ZMIZ1: variants seen among roughly 807,000 people sequenced by gnomAD.
ZMIZ1 encodes the protein zinc finger MIZ-type containing 1.
A neutral mutation model predicts 113.9 loss-of-function variants in ZMIZ1; 17 were observed. That is an observed-to-expected ratio of 0.15 (90% CI 0.10 to 0.22). The LOEUF is 0.22. Among genes scored for constraint, ZMIZ1 ranks in the 10% least tolerant of loss-of-function variants. ZMIZ1 has a pLI of 1.00. For missense variants in ZMIZ1, 1,059 were observed against 1,477.8 expected, an observed-to-expected ratio of 0.72 and a Z score of 4.65; for synonymous variants, 607 against 603.1, an observed-to-expected ratio of 1.01 and a Z score of -0.09.
chr10:79,309,656 A>G (rs942789), intron 23 of ZMIZ1, among the ~76,000 whole-genome samples: 119,308 of 152,220 alleles, frequency 0.78, 47,363 homozygotes, highest in African/African-American at 0.9. Context: ...GGCCTGGGAA[A>G]CAGTTTTAGG....
At chr10:79,215,529 C>T (rs964261562) in intron 6 of ZMIZ1, among the ~76,000 whole-genome samples, 2 of 152,158 alleles carry the variant, frequency 1.3e-5, no homozygotes, top group Non-Finnish European at 2.9e-5. Context: ...GAACTCTTGA[C>T]CTCAAGTGAT....
chr10:79,292,672 C>T, intron 11 of ZMIZ1: 1 of 490,552 alleles, frequency 2.0e-6, no homozygotes, highest in South Asian at 1.7e-5. Flanking sequence ...GCCCCCAACT[C>T]ACCAAGGAGT....
intron 1 of ZMIZ1, among the ~76,000 whole-genome samples, chr10:79,114,476 T>TGTGTGTG (rs1491316828): frequency 1.0e-5 from 1 of 95,636 alleles, no homozygotes; most frequent in African/African-American, 3.3e-5. Context: ...TGTGTGTGTG[T>TGTGTGTG]CTGTGTGTGT....
At chr10:79,156,419 C>T (rs1845904849) in intron 3 of ZMIZ1, among the ~76,000 whole-genome samples, 1 of 152,196 alleles carries the variant, frequency 6.6e-6, no homozygotes, top group Non-Finnish European at 1.5e-5. Flanking sequence ...CACGACTTCC[C>T]ACGATCTCAG....
chr10:79,293,550 G>A lies in ZMIZ1; in HGVS notation c.1127G>A (p.Ser376Asn), dbSNP rs369936419. The A allele has an allele frequency of 1.2e-5, 19 of 1,612,572 alleles. No individual in the cohort carries two copies. The African/African-American group carries it at 2.1e-4, about 18-fold the overall frequency. ...GMNQPRPPGISPFGTHGQRMP... is the reference protein window; with the variant it reads ...GMNQPRPPGINPFGTHGQRMP... ...AACCAGCCCCGGCCGCCCGGCATCAGCCCCTTTGGCACACACGGGCAGCGG... is the reference window on the plus strand; with the variant it reads ...AACCAGCCCCGGCCGCCCGGCATCAACCCCTTTGGCACACACGGGCAGCGG... The change falls in exon 12 of 25, where the codon AGC (serine) becomes AAC (asparagine). Residue 376 changes from serine to asparagine, a missense_variant. Ser to Asn is a conservative substitution (Grantham distance 46). This residue lies in a region of ZMIZ1 where 239 missense variants were observed against 247.5 expected (regional missense o/e 0.97). Transcript: ENST00000334512.
intron 8 of ZMIZ1, among the ~76,000 whole-genome samples, chr10:79,279,364 C>T (rs1325655906): frequency 1.3e-5 from 2 of 149,434 alleles, no homozygotes; most frequent in Admixed American, 6.7e-5. Context: ...ACATCTCAGA[C>T]GGGGTGGCGG....
rs759887430 is a variant in ZMIZ1, at chr10:79,299,046, C to T, written c.1667-4C>T. ...GGCTCACCCACCTCCTCTCCTCGCC[C>T]CAGCCAACCACAATGACGAGCTGCG... On this transcript the variant is annotated splice_polypyrimidine_tract_variant and splice_region_variant and intron_variant, in intron 15 of 24. Transcript: ENST00000334512. 1 of 1,606,056 alleles carries T rather than the reference C, an allele frequency of 6.2e-7. No homozygotes were observed. Among genetic ancestry groups the T allele is most frequent in the Non-Finnish European group, 8.5e-7 (1 of 1,176,118 alleles).
chr10:79,102,503 C>CA (rs778023675), intron 1 of ZMIZ1, among the ~76,000 whole-genome samples: 84 of 152,322 alleles, frequency 5.5e-4, no homozygotes, highest in Middle Eastern at 3.4e-3. Context: ...CAAGGCTGCC[C>CA]AGGGCCAGGA....
chr10:79,176,143 A>C (rs1846857240), intron 4 of ZMIZ1, among the ~76,000 whole-genome samples: 3 of 152,112 alleles, frequency 2.0e-5, no homozygotes, highest in African/African-American at 7.2e-5. Context: ...CGTGTTCCGG[A>C]GGCCCAACGG....
At chr10:79,171,673 G>A (rs1846609341) in intron 4 of ZMIZ1, among the ~76,000 whole-genome samples, 1 of 152,220 alleles carries the variant, frequency 6.6e-6, no homozygotes, top group African/African-American at 2.4e-5. Context: ...GGCAAGGGAT[G>A]TGTTGAGATC....
intron 24 of ZMIZ1, 120 bp downstream of exon 24, chr10:79,311,304 G>GGGGGGGGGGGGGGGGC: frequency 5.6e-6 from 2 of 359,152 alleles, no homozygotes; most frequent in Non-Finnish European, 1.1e-5. Context: ...TGGGCGGTGG[G>GGGGGGGGGGGGGGGGC]AGGGCTTCAC....
At chr10:79,102,276 A>T (rs1190537881) in intron 1 of ZMIZ1, among the ~76,000 whole-genome samples, 2 of 152,212 alleles carry the variant, frequency 1.3e-5, no homozygotes, top group African/African-American at 4.8e-5. Flanking sequence ...GGAGGCAGAA[A>T]TCCCGGCTCT....
chr10:79,074,217 C>T (rs775374612), intron 1 of ZMIZ1, among the ~76,000 whole-genome samples: 2 of 152,232 alleles, frequency 1.3e-5, no homozygotes, highest in Non-Finnish European at 2.9e-5. Context: ...TAGGACTGAA[C>T]CTCAGGCCTT....
rs1008325917 is a variant in ZMIZ1, at chr10:79,314,312, C to T, written c.*1563C>T. On this transcript the variant is annotated 3_prime_UTR_variant, in exon 25 of 25. Transcript: ENST00000334512. Reference sequence around the variant, plus strand: ...ATCTGTAAATTCTTTGCGCCCTTCCCGGCTGCTGCCTGGGGCCCTTTCCTG... The same window carrying T: ...ATCTGTAAATTCTTTGCGCCCTTCCTGGCTGCTGCCTGGGGCCCTTTCCTG... The T allele has an allele frequency of 2.2e-5, 10 of 452,900 alleles. No homozygotes were observed. Among genetic ancestry groups the T allele is most frequent in the African/African-American group, 8.0e-5 (4 of 49,996 alleles). 28.1% of individuals were successfully genotyped at this position (452,900 alleles called of 1,614,324 possible). A position where few individuals can be genotyped will look rare whatever the true frequency, so the allele number is the denominator to read the frequency against.
At chr10:79,301,046 G>A in intron 17 of ZMIZ1, 104 bp downstream of exon 17, 10 of 1,481,028 alleles carry the variant, frequency 6.8e-6, no homozygotes, top group Non-Finnish European at 9.1e-6. Context: ...CCTTGTCCCT[G>A]CGTCACCACC....
intron 7 of ZMIZ1, among the ~76,000 whole-genome samples, chr10:79,258,110 G>T (rs571900800): frequency 6.6e-6 from 1 of 152,202 alleles, no homozygotes; most frequent in African/African-American, 2.4e-5. Flanking sequence ...GGCCGGGCAC[G>T]GTGGCTCATG....
At chr10:79,247,091 G>A (rs940440362) in intron 7 of ZMIZ1, among the ~76,000 whole-genome samples, 2 of 152,208 alleles carry the variant, frequency 1.3e-5, no homozygotes, top group Admixed American at 1.3e-4. Flanking sequence ...AGGCCTTGCT[G>A]CCGCCTCCAG....
intron 7 of ZMIZ1, 85 bp from the exon 8 acceptor site, chr10:79,277,096 C>T: frequency 7.0e-7 from 1 of 1,427,368 alleles, no homozygotes; most frequent in Non-Finnish European, 9.2e-7. Context: ...TGGATAGCAC[C>T]CAGTCTGGGG....
intron 7 of ZMIZ1, among the ~76,000 whole-genome samples, chr10:79,263,532 T>C (rs1291360727): frequency 6.6e-6 from 1 of 152,110 alleles, no homozygotes; most frequent in Non-Finnish European, 1.5e-5. Flanking sequence ...TTGTGGGTGT[T>C]TTCTTTGTAA....
Sources: gnomAD v4.1 joint callset for allele counts (sites outside exome capture counted in the v4.1 genomes callset) on GRCh38, gnomAD v4.1.1 for gene constraint, gnomAD v4.1.1 regional missense constraint, MANE v1.5 for transcripts, NCBI Gene and HGNC (gene_info 2026-07-23, HGNC 2026-07-21) for gene names.